The following SH3TC1 variants were observed in gnomAD, a reference collection of about 807,000 sequenced individuals.
SH3TC1 encodes SH3 domain and tetratricopeptide repeat-containing protein 1.
Under a neutral mutation model 117.3 loss-of-function variants are expected in SH3TC1, and 135 were observed. That is an observed-to-expected ratio of 1.15 (90% CI 1.00 to 1.33). The LOEUF is 1.33. Among genes scored for constraint, SH3TC1 ranks in the 40% most tolerant of loss-of-function variants. SH3TC1 has a pLI of 0.00. For synonymous variants in SH3TC1, 898 were observed against 816.9 expected, an observed-to-expected ratio of 1.10 and a Z score of -1.69; for missense variants, 2,092 against 1,794.3, an observed-to-expected ratio of 1.17 and a Z score of -3.00.
intron 9 of SH3TC1, among the ~76,000 whole-genome samples, chr4:8,221,783 C>A (rs748770515): frequency 6.6e-6 from 1 of 152,188 alleles, no homozygotes; most frequent in Non-Finnish European, 1.5e-5. Context: ...TTGCCAGGAG[C>A]CACAATGATG....
chr4:8,238,558 C>T (rs1722029135), intron 17 of SH3TC1, among the ~76,000 whole-genome samples: 1 of 152,172 alleles, frequency 6.6e-6, no homozygotes, highest in Non-Finnish European at 1.5e-5. Flanking sequence ...TGCGGCAACC[C>T]TAAGACCCCG....
chr4:8,187,674 C>T (rs1190650037), intron 1 of SH3TC1, among the ~76,000 whole-genome samples: 1 of 151,774 alleles, frequency 6.6e-6, no homozygotes, highest in Admixed American at 6.6e-5. Flanking sequence ...GTGGCAGCTG[C>T]CCGAGTAGCT....
chr4:8,225,676 G>T lies in SH3TC1; in HGVS notation c.1285+460G>T, dbSNP rs1008671249. On this transcript the variant is annotated intron_variant, in intron 11 of 17. Transcript: ENST00000245105. The surrounding 1 kb of genome is among the most constrained non-coding windows in gnomAD (Gnocchi z 5.5). ...CCTTCCTGAGGGGCTGATTGAGGGA[G>T]ACCCTTCCATCTCCCCTCTACAGCT... Among the ~76,000 whole-genome samples the T allele has an allele frequency of 6.6e-5, 10 of 152,190 alleles. No homozygotes were observed. Among genetic ancestry groups the T allele is most frequent in the Non-Finnish European group, 1.3e-4 (9 of 68,030 alleles).
In SH3TC1 at chr4:8,217,556, A is replaced by C. The variant is rs73079747; in HGVS notation, c.839+389A>C. 8.5e-3 allele frequency among the ~76,000 whole-genome samples: 1,293 copies of C among 152,340 alleles called. 14 individuals carry two copies. Among genetic ancestry groups the C allele is most frequent in the African/African-American group, 0.026 (1,070 of 41,578 alleles). On this transcript the variant is annotated intron_variant, in intron 7 of 17. Transcript: ENST00000245105. ...GGGGATGTGAGGACAGGTGACATGC[A>C]AACTCCTGTTCACTTGCTGAAGCGG...
intron 13 of SH3TC1, chr4:8,232,405 A>G (rs753486577): frequency 1.2e-5 from 19 of 1,570,778 alleles, no homozygotes; most frequent in Non-Finnish European, 1.6e-5. Context: ...CACCTCCCCA[A>G]AGGTCATCTC....
chr4:8,219,009 C>T lies in SH3TC1; in HGVS notation c.917-326C>T, dbSNP rs566946750. Among the ~76,000 whole-genome samples the T allele has an allele frequency of 5.9e-5, 9 of 152,002 alleles. No individual in the cohort carries two copies. In the South Asian group the frequency reaches 8.3e-4, roughly 14 times the overall value. ...GGGGACTAAAGCCCCATGCAGGAGC[C>T]GGGTGGGGAGTAGGTGGGGCCGGGG... On this transcript the variant is annotated intron_variant, in intron 8 of 17. Coordinates refer to ENST00000245105, the MANE Select transcript of SH3TC1 (RefSeq NM_018986.5).
rs1720541339 is a variant in SH3TC1, at chr4:8,227,201, C to T, written c.1507C>T (p.Leu503=). 10 of 1,565,032 alleles carry T rather than the reference C, an allele frequency of 6.4e-6. No homozygotes were observed. The highest frequency in any genetic ancestry group is 8.7e-6 in the Non-Finnish European group (10 of 1,152,570). ...GGACCCAGAGGCCCTGAGCTCACTG[C>T]TGCTGTTCCTGAACGCCCCTGGGTA... ...WEDPEALSSL[L]LFLNAPGYKA... is the part of the protein sequence containing the mutation. The change falls in exon 12 of 18, where the codon CTG becomes TTG. Residue 503 remains leucine (L), a synonymous_variant. Coordinates refer to ENST00000245105, the MANE Select transcript of SH3TC1 (RefSeq NM_018986.5).
rs1578767270 is a variant in SH3TC1 at position 8,241,000 on chromosome 4, T to C, written c.*45T>C. 1 of 1,586,270 alleles carries C rather than the reference T, an allele frequency of 6.3e-7. No individual in the cohort carries two copies. On this transcript the variant is annotated 3_prime_UTR_variant, in exon 18 of 18. Coordinates refer to ENST00000245105, the MANE Select transcript of SH3TC1 (RefSeq NM_018986.5). ...GGGTTTTGTGCAAGGGCTGGGGGTC[T>C]CCTGCCTCTCCTGGTGTCGCCGGTG...
At chr4:8,232,882 G>A in intron 13 of SH3TC1, 1 of 1,223,216 alleles carries the variant, frequency 8.2e-7, no homozygotes, top group African/African-American at 1.6e-5. Context: ...GACCAGCAGA[G>A]CAGCATCCAT....
At chr4:8,220,875 G>A (rs1375758303) in intron 9 of SH3TC1, among the ~76,000 whole-genome samples, 1 of 152,198 alleles carries the variant, frequency 6.6e-6, no homozygotes, top group South Asian at 2.1e-4. Flanking sequence ...CTGGAAGCTG[G>A]CCAGGCCATG....
chr4:8,209,539 C>A lies in SH3TC1; in HGVS notation c.173-209C>A. 1.8e-6 allele frequency: 2 copies of A among 1,096,966 alleles called. No homozygotes were observed. The highest frequency in any genetic ancestry group is 2.6e-6 in the Non-Finnish European group (2 of 761,614). 68.0% of individuals were successfully genotyped at this position (1,096,966 alleles called of 1,614,324 possible). On this transcript the variant is annotated intron_variant, in intron 2 of 17. Transcript: ENST00000245105. This position sits in a 1 kb window ranked among gnomAD's most constrained non-coding sequence, Gnocchi z 5.9. ...TGGTCTTAAGCCTCTGAGTGTGGGG[C>A]AGCTTGTCACAGCATGCTGGGAAGT... is the stretch of plus-strand genomic sequence containing the variant.
At chr4:8,198,108 G>C (rs961521778), upstream of SH3TC1, among the ~76,000 whole-genome samples, 3 of 152,078 alleles carry the variant, frequency 2.0e-5, no homozygotes, top group Non-Finnish European at 2.9e-5. Context: ...ACAGCCCCCC[G>C]CCCTGCAACA....
chr4:8,232,343 C>T, intron 13 of SH3TC1, 187 bp downstream of exon 13: 2 of 1,557,866 alleles, frequency 1.3e-6, no homozygotes, highest in South Asian at 2.3e-5. Flanking sequence ...ACCCGTGAGT[C>T]CCAGCTTGAG....
At position 8,216,983 on chromosome 4, in the gene SH3TC1, C is replaced by T. The variant is rs775062355; in HGVS notation, c.655C>T (p.His219Tyr). 9 of 1,613,916 alleles carry T rather than the reference C, an allele frequency of 5.6e-6. No individual in the cohort carries two copies. The highest frequency in any genetic ancestry group is 5.5e-5 in the South Asian group (5 of 91,076). ...EGPFFVLCPD[H>Y]HVRVMTGPRD... is the part of the protein sequence containing the mutation. ...GCCCTTCTTTGTCCTGTGTCCTGAC[C>T]ACCATGTGAGAGTGATGACGGGTCC... is the stretch of plus-strand genomic sequence containing the variant. Residue 219 changes from histidine (H) to tyrosine (Y), a missense_variant, in exon 7 of 18, where the codon CAC (histidine) becomes TAC (tyrosine). Physicochemically the swap from His to Tyr is moderately conservative, Grantham distance 83. Transcript: ENST00000245105.
chr4:8,216,219 C>T lies in SH3TC1; in HGVS notation c.590C>T (p.Ala197Val), dbSNP rs770215839. ...ATCCAAGTCCATGTGGATGAGAACG[C>T]CTTAAGGCTGACCCACGAGAGCCTC... is the stretch of plus-strand genomic sequence containing the variant. Reference protein sequence around the residue: ...TAIQVHVDENALRLTHESLLI... With the variant: ...TAIQVHVDENVLRLTHESLLI... Residue 197 changes from alanine to valine, a missense_variant, in exon 6 of 18, where the codon GCC (alanine) becomes GTC (valine). Transcript: ENST00000245105. 5.6e-6 allele frequency: 9 copies of T among 1,613,658 alleles called. No homozygotes were observed. The highest frequency in any genetic ancestry group is 1.7e-4 in the Middle Eastern group (1 of 5,902).
At chr4:8,212,375 G>C (rs982962676) in intron 3 of SH3TC1, among the ~76,000 whole-genome samples, 1 of 152,182 alleles carries the variant, frequency 6.6e-6, no homozygotes, top group African/African-American at 2.4e-5. Flanking sequence ...TGGAGGTCAC[G>C]GTGACAGGGA....
rs766695814 is a variant in SH3TC1 at position 8,186,730 on chromosome 4, G to A, written c.-57+4520G>A. The stretch of plus-strand genomic sequence containing the variant: ...AGATGGAGGTGGGTAGATCACTTGA[G>A]GTCAAAAGTTCAAGACCAGCCCGGC... On this transcript the variant is annotated intron_variant, in intron 1 of 16. Coordinates refer to the SH3TC1 transcript ENST00000508641. The surrounding 1 kb of genome is among the most constrained non-coding windows in gnomAD (Gnocchi z 5.2). Among the ~76,000 whole-genome samples, 18 of 152,126 alleles carry A rather than the reference G, an allele frequency of 1.2e-4. No homozygotes were observed. The highest frequency in any genetic ancestry group is 2.2e-4 in the Non-Finnish European group (15 of 68,026).
At chr4:8,223,456 A>G (rs913645406) in intron 10 of SH3TC1, among the ~76,000 whole-genome samples, 1 of 152,320 alleles carries the variant, frequency 6.6e-6, no homozygotes, top group Middle Eastern at 3.4e-3. Context: ...CCGTCTCCTA[A>G]GGACAGAGAT....
intron 12 of SH3TC1, among the ~76,000 whole-genome samples, chr4:8,229,953 G>A (rs1270497532): frequency 1.3e-5 from 2 of 150,154 alleles, no homozygotes; most frequent in Admixed American, 1.3e-4. Context: ...GAGACCGGGG[G>A]CCAGGGGACG....
Sources: allele counts gnomAD v4.1 joint callset (sites outside exome capture counted in the v4.1 genomes callset), GRCh38; gene constraint gnomAD v4.1.1; non-coding constraint Gnocchi (gnomAD v3.1); transcripts MANE v1.5; gene names NCBI Gene and HGNC (gene_info 2026-07-23, HGNC 2026-07-21).